Variants in RECQL5 observed in about 807,000 individuals in gnomAD.
RECQL5 encodes ATP-dependent DNA helicase Q5.
RECQL5 carries 88 observed loss-of-function variants against 103.4 expected under a neutral mutation model. The ratio of observed to expected loss-of-function variants is 0.85; its 90% CI spans 0.72 to 1.02. The LOEUF (loss-of-function observed/expected upper bound fraction) is 1.02. RECQL5 is among the 50% of genes least tolerant of loss of function. RECQL5 has a pLI of 0.00. For synonymous variants in RECQL5, 552 were observed against 507.9 expected, an observed-to-expected ratio of 1.09 and a Z score of -1.17; for missense variants, 1,232 against 1,284.3, an observed-to-expected ratio of 0.96 and a Z score of 0.62.
chr17:75,633,365 G>C, intron 8 of RECQL5: 1 of 1,167,200 alleles, frequency 8.6e-7, no homozygotes, highest in Non-Finnish European at 1.1e-6. Context: ...GGCACAACCA[G>C]GCAAATGTCA....
rs576185133 is a variant in RECQL5, at chr17:75,634,130, G to A, written c.1230-2462C>T. On this transcript the variant is annotated intron_variant, in intron 8 of 19. Transcript: ENST00000317905. Reference sequence around the variant, plus strand: ...CAGGGGAGCAGCGGCGCCCACGAAGGAAGTACGAGGACAGCACGTGGAGGC... The same window carrying A: ...CAGGGGAGCAGCGGCGCCCACGAAGAAAGTACGAGGACAGCACGTGGAGGC... 1.3e-4 allele frequency: 128 copies of A among 985,492 alleles called. No homozygotes were observed. The African/African-American group carries it at 1.9e-3, about 15-fold the overall frequency. The allele number at this position is 985,492 out of a possible 1,614,324, so 61.0% of individuals were successfully genotyped here.
At chr17:75,661,128 A>G (rs754726667) in intron 5 of RECQL5, 62 bp from the exon 6 acceptor site, 192 of 1,361,378 alleles carry the variant, frequency 1.4e-4, no homozygotes, top group Non-Finnish European at 2.0e-4. Flanking sequence ...CCGGGGGCCT[A>G]TTTTGGGTTT....
chr17:75,662,394 C>G, intron 4 of RECQL5, 85 bp downstream of exon 4: 1 of 1,425,748 alleles, frequency 7.0e-7, no homozygotes, highest in Non-Finnish European at 9.5e-7. Context: ...GCTAGAAAAA[C>G]CAAAGGTCTT....
chr17:75,633,188 C>A (rs1409222805), intron 8 of RECQL5, among the ~76,000 whole-genome samples: 1 of 152,258 alleles, frequency 6.6e-6, no homozygotes. Context: ...GCCGCCTGTC[C>A]AGCCTCTGGG....
intron 2 of RECQL5, among the ~76,000 whole-genome samples, chr17:75,665,792 G>A (rs1444737072): frequency 6.6e-6 from 1 of 151,994 alleles, no homozygotes; most frequent in Non-Finnish European, 1.5e-5. Context: ...GGGTACATCT[G>A]TGTAGACATG....
intron 8 of RECQL5, among the ~76,000 whole-genome samples, chr17:75,642,216 C>T (rs1408471227): frequency 2.0e-5 from 3 of 152,158 alleles, no homozygotes; most frequent in African/African-American, 4.8e-5. Context: ...GCACATGGCT[C>T]CAGAAATGCC....
chr17:75,652,284 G>T (rs1176314064), intron 7 of RECQL5, among the ~76,000 whole-genome samples: 1 of 152,102 alleles, frequency 6.6e-6, no homozygotes, highest in Admixed American at 6.5e-5. Flanking sequence ...AGAAACCCAT[G>T]TGGGGTGGGG....
Position 75,631,210 on chromosome 17 carries a change from T to A in RECQL5, c.1488A>T (p.Arg496Ser), listed in dbSNP as rs1356486722. The A allele has an allele frequency of 6.2e-7, 1 of 1,613,948 alleles. No individual in the cohort carries two copies. The highest frequency in any genetic ancestry group is 1.1e-5 in the South Asian group (1 of 91,090). ...TCCACTCCCGCTTGTGGGCCTCATC[T>A]CTGCCTTCATCCCCGCTGCCTCCAG... is the stretch of plus-strand genomic sequence containing the variant. ...EGSGGSGDEG[R>S]DEAHKREWNL... The change falls in exon 10 of 20, where the codon AGA (arginine) becomes AGT (serine). Residue 496 changes from arginine (R) to serine (S), a missense_variant. Arg to Ser is a moderately radical substitution (Grantham distance 110, BLOSUM62 -1). Coordinates refer to ENST00000317905, the MANE Select transcript of RECQL5 (RefSeq NM_004259.7).
intron 8 of RECQL5, chr17:75,639,392 A>G (rs1026864524): frequency 5.9e-5 from 9 of 152,276 alleles, no homozygotes; most frequent in African/African-American, 2.2e-4. Context: ...AGAAGGGGAA[A>G]GCCTTCTGGA....
At chr17:75,633,516 G>C in intron 8 of RECQL5, 1 of 1,288,216 alleles carries the variant, frequency 7.8e-7, no homozygotes, top group Non-Finnish European at 1.0e-6. Context: ...GGTCACTCAG[G>C]ATTCCAAGTT....
chr17:75,666,448 G>A lies in RECQL5; in HGVS notation c.110C>T (p.Ala37Val), dbSNP rs2059783491. 6.2e-7 allele frequency: 1 copy of A among 1,613,762 alleles called. No homozygotes were observed. Among genetic ancestry groups the A allele is most frequent in the African/African-American group, 1.3e-5 (1 of 74,856 alleles). Reference sequence around the variant, plus strand: ...GTTACCTTTTACTACAGCCATGGTCGCACTCTCCTGTAAAGGCGTCTTAAA... The same window carrying A: ...GTTACCTTTTACTACAGCCATGGTCACACTCTCCTGTAAAGGCGTCTTAAA... ...DSFKTPLQES[A>V]TMAVVKGNKD... is the part of the protein sequence containing the mutation. Residue 37 changes from alanine (A) to valine (V), a missense_variant, in exon 2 of 20, where the codon GCG becomes GTG. Transcript: ENST00000317905.
In RECQL5 at chr17:75,662,930, T is replaced by A; in HGVS notation, c.320A>T (p.Gln107Leu). The A allele has an allele frequency of 1.2e-6, 2 of 1,614,102 alleles. No homozygotes were observed. Among genetic ancestry groups the A allele is most frequent in the Non-Finnish European group, 1.7e-6 (2 of 1,180,010 alleles). Residue 107 changes from glutamine (Q) to leucine (L), a missense_variant, in exon 4 of 20, where the codon CAG (glutamine) becomes CTG (leucine). Gln to Leu is a moderately radical substitution (Grantham distance 113). Transcript: ENST00000317905. ...GTCAGCAAGCAGCTCCTTCCTTTCC[T>A]GTGCAGAGAGCTTCGAGTTCAGGGA... is the stretch of plus-strand genomic sequence containing the variant. The part of the protein sequence containing the change: ...VSSLNSKLSA[Q>L]ERKELLADLE...
chr17:75,664,961 C>A, intron 3 of RECQL5, 90 bp downstream of exon 3: 13 of 1,392,288 alleles, frequency 9.3e-6, no homozygotes, highest in South Asian at 5.3e-5. Flanking sequence ...AAATAAGAGG[C>A]AAAAGACCAA....
intron 8 of RECQL5, among the ~76,000 whole-genome samples, chr17:75,632,192 TG>T (rs2059229849): frequency 6.6e-6 from 1 of 152,232 alleles, no homozygotes; most frequent in South Asian, 2.1e-4. Context: ...ATTCTAACAC[TG>T]TATTTCTACT....
In RECQL5 at chr17:75,629,383, C is replaced by T; in HGVS notation, c.2040G>A (p.Glu680=). Residue 680 remains glutamate, a synonymous_variant, in exon 16 of 20, where the codon GAG becomes GAA. Coordinates refer to ENST00000317905, the MANE Select transcript of RECQL5 (RefSeq NM_004259.7). ...TELMETTRIR[E]QAPQPERGGE... ...CTCCCCGCTCGGGCTGGGGGGCTTG[C>T]TCCCTGATCCGAGTTGTCTCCATCA... is the stretch of plus-strand genomic sequence containing the variant. 1.3e-6 allele frequency: 2 copies of T among 1,510,838 alleles called. No individual in the cohort carries two copies. Among genetic ancestry groups the T allele is most frequent in the Middle Eastern group, 1.8e-4 (1 of 5,574 alleles). 93.6% of individuals were successfully genotyped at this position (1,510,838 alleles called of 1,614,324 possible). A position where few individuals can be genotyped will look rare whatever the true frequency, so the allele number is the denominator to read the frequency against.
chr17:75,665,623 G>A (rs1402316838), intron 2 of RECQL5, among the ~76,000 whole-genome samples: 2 of 151,200 alleles, frequency 1.3e-5, no homozygotes, highest in Non-Finnish European at 2.9e-5. Context: ...CCAGGAGGCG[G>A]AGGTTGCAGT....
intron 6 of RECQL5, among the ~76,000 whole-genome samples, chr17:75,659,687 C>T (rs1023353048): frequency 1.1e-4 from 16 of 152,244 alleles, no homozygotes; most frequent in East Asian, 1.9e-4. Context: ...ATTCTGAAGT[C>T]GGTGTTCTTT....
chr17:75,631,812 C>T (rs1266892233), intron 8 of RECQL5, 144 bp from the exon 9 acceptor site: 2 of 797,008 alleles, frequency 2.5e-6, no homozygotes, highest in African/African-American at 1.7e-5. Flanking sequence ...CTCATCCAAG[C>T]TGCACCAGGC....
At chr17:75,643,335 G>A (rs1052722932) in intron 8 of RECQL5, among the ~76,000 whole-genome samples, 3 of 152,240 alleles carry the variant, frequency 2.0e-5, no homozygotes, top group Admixed American at 6.5e-5. Context: ...GCCCAGCTGC[G>A]GAGAGGTGGG....
Sources: allele counts gnomAD v4.1 joint callset (sites outside exome capture counted in the v4.1 genomes callset), GRCh38; gene constraint gnomAD v4.1.1; transcripts MANE v1.5; gene names NCBI Gene and HGNC (gene_info 2026-07-23, HGNC 2026-07-21).